Variants in CD8B2 observed in about 807,000 individuals in gnomAD.
CD8B2 encodes T-cell surface glycoprotein CD8 beta-2 chain.
CD8B2 carries 11 observed loss-of-function variants against 23.7 expected under a neutral mutation model. The ratio of observed to expected loss-of-function variants is 0.46; its 90% confidence interval spans 0.29 to 0.77. CD8B2 has a LOEUF of 0.77. CD8B2 is among the 30% of genes least tolerant of loss of function. CD8B2 has a pLI of 0.09. For synonymous variants in CD8B2, 90 were observed against 109.3 expected (o/e 0.82, Z 1.10); for missense variants, 197 against 270.5 (o/e 0.73, Z 1.91).
chr2:106,500,924 T>G (rs943682176), intron 3 of CD8B2, among the ~76,000 whole-genome samples: 4 of 152,108 alleles, frequency 2.6e-5, no homozygotes, highest in Non-Finnish European at 5.9e-5. Context: ...CCAAAGCTTA[T>G]AAGAAATTAG....
At chr2:106,526,845 T>C (rs1679914701) in intron 5 of CD8B2, among the ~76,000 whole-genome samples, 1 of 152,224 alleles carries the variant, frequency 6.6e-6, no homozygotes, top group African/African-American at 2.4e-5. Context: ...TTTCACCATG[T>C]TGGCCAGGCT....
chr2:106,536,179 C>T (rs1680086612), intron 5 of CD8B2, among the ~76,000 whole-genome samples: 1 of 152,026 alleles, frequency 6.6e-6, no homozygotes, highest in Non-Finnish European at 1.5e-5. Context: ...GGATTACAGG[C>T]AAGTGCCACT....
intron 2 of CD8B2, among the ~76,000 whole-genome samples, chr2:106,491,505 C>A (rs369572183): frequency 1.3e-5 from 2 of 152,120 alleles, no homozygotes. Context: ...TTGGAAGAGA[C>A]GGGTCAGCGT....
intron 5 of CD8B2, among the ~76,000 whole-genome samples, chr2:106,526,220 G>T (rs1283612891): frequency 2.0e-5 from 3 of 150,244 alleles, no homozygotes; most frequent in Non-Finnish European, 4.4e-5. Context: ...TATCCAGCCT[G>T]GGAAAGAGAG....
intron 3 of CD8B2, among the ~76,000 whole-genome samples, chr2:106,501,712 C>A (rs1015439985): frequency 2.6e-5 from 4 of 151,960 alleles, no homozygotes; most frequent in Admixed American, 1.3e-4. Flanking sequence ...CGAACAAACC[C>A]TATATGTATC....
chr2:106,504,659 A>G (rs191028157), intron 5 of CD8B2, among the ~76,000 whole-genome samples: 1 of 152,286 alleles, frequency 6.6e-6, no homozygotes, highest in East Asian at 1.9e-4. Context: ...CTAAACAAAC[A>G]AAAACCTGAC....
At chr2:106,517,047 TATTTC>T (rs1215045439) in intron 5 of CD8B2, among the ~76,000 whole-genome samples, 1 of 149,240 alleles carries the variant, frequency 6.7e-6, no homozygotes, top group Non-Finnish European at 1.5e-5. Context: ...ATGAAATAAA[TATTTC>T]ATTATATTAT....
At chr2:106,500,871 C>T (rs1172611894) in intron 3 of CD8B2, among the ~76,000 whole-genome samples, 3 of 151,558 alleles carry the variant, frequency 2.0e-5, no homozygotes, top group Non-Finnish European at 2.9e-5. Flanking sequence ...ATAGTCAACT[C>T]GTAGAAGAAA....
intron 5 of CD8B2, among the ~76,000 whole-genome samples, chr2:106,526,134 C>A (rs568677106): frequency 1.3e-5 from 2 of 151,526 alleles, no homozygotes; most frequent in East Asian, 3.9e-4. Context: ...CCCAGCTATT[C>A]GGAGGCTGGG....
chr2:106,530,988 A>C (rs992502257), intron 5 of CD8B2, among the ~76,000 whole-genome samples: 5 of 152,218 alleles, frequency 3.3e-5, no homozygotes, highest in Non-Finnish European at 5.9e-5. Flanking sequence ...AACTATAAAA[A>C]TAGGAAACCA....
intron 5 of CD8B2, among the ~76,000 whole-genome samples, chr2:106,530,541 G>T (rs997679591): frequency 1.3e-5 from 2 of 152,134 alleles, no homozygotes; most frequent in Non-Finnish European, 2.9e-5. Context: ...ACCACGCCAG[G>T]CTAATTTTTT....
At chr2:106,523,897 T>A (rs1366296610) in intron 5 of CD8B2, among the ~76,000 whole-genome samples, 1 of 152,152 alleles carries the variant, frequency 6.6e-6, no homozygotes, top group Admixed American at 6.5e-5. Flanking sequence ...CTAGATGTGG[T>A]GATCTGGTGA....
intron 5 of CD8B2, among the ~76,000 whole-genome samples, chr2:106,541,930 A>G (rs1309799370): frequency 6.6e-6 from 1 of 152,170 alleles, no homozygotes; most frequent in Non-Finnish European, 1.5e-5. Flanking sequence ...TCTGCCAGCC[A>G]TCCCATTGCA....
In CD8B2 at chr2:106,500,688, C is replaced by T. The variant is rs190853897; in HGVS notation, c.494-1786C>T. On this transcript the variant is annotated intron_variant, in intron 3 of 5. Transcript: ENST00000643224. ...ACATCCACAATGCTTTCCAATTTTC[C>T]GAACCTCGAGCCCAAATCTGCAGCC... is the stretch of plus-strand genomic sequence containing the variant. Among the ~76,000 whole-genome samples the T allele has an allele frequency of 2.0e-3, 299 of 151,848 alleles. 4 individuals carry two copies. The highest frequency in any genetic ancestry group is 3.9e-3 in the Admixed American group (60 of 15,238).
intron 4 of CD8B2, among the ~76,000 whole-genome samples, chr2:106,503,581 T>C (rs1334199237): frequency 6.6e-6 from 1 of 152,226 alleles, no homozygotes; most frequent in Admixed American, 6.5e-5. Flanking sequence ...TTGAATATTA[T>C]AAAGTAAATG....
downstream of CD8B2, among the ~76,000 whole-genome samples, chr2:106,515,942 C>A (rs1679722749): frequency 6.6e-6 from 1 of 152,102 alleles, no homozygotes; most frequent in Non-Finnish European, 1.5e-5. Context: ...CCTGCCTCAG[C>A]CTCCCGAGTA....
chr2:106,500,748 C>T (rs1316673105), intron 3 of CD8B2, among the ~76,000 whole-genome samples: 1 of 152,082 alleles, frequency 6.6e-6, no homozygotes, highest in Admixed American at 6.6e-5. Flanking sequence ...CTTTGCCCCT[C>T]AGCTACTCAA....
chr2:106,512,805 C>A (rs1403669380), downstream of CD8B2, among the ~76,000 whole-genome samples: 2 of 152,090 alleles, frequency 1.3e-5, no homozygotes, highest in African/African-American at 4.8e-5. Context: ...GTGTGCCCAG[C>A]CAGCCCTGTG....
intron 3 of CD8B2, among the ~76,000 whole-genome samples, chr2:106,496,846 T>C (rs558429453): frequency 9.2e-5 from 14 of 152,216 alleles, no homozygotes; most frequent in African/African-American, 2.9e-4. Flanking sequence ...ATTATGATAA[T>C]GGTTGCACAA....
Sources: gnomAD v4.1 joint callset for allele counts (sites outside exome capture counted in the v4.1 genomes callset) on GRCh38, gnomAD v4.1.1 for gene constraint, MANE v1.5 for transcripts, NCBI Gene and HGNC (gene_info 2026-07-23, HGNC 2026-07-21) for gene names.